PHF14: variants seen among roughly 807,000 people sequenced by gnomAD.
PHF14 encodes PHD finger protein 14.
A neutral mutation model predicts 117.9 loss-of-function variants in PHF14; 55 were observed. That is an observed-to-expected ratio of 0.47 (90% CI 0.38 to 0.58). The LOEUF (loss-of-function observed/expected upper bound fraction) is 0.58. Ranked by LOEUF, PHF14 falls within the 20% of genes least tolerant of loss-of-function variation. The pLI is 0.00. For synonymous variants in PHF14, 409 were observed against 368.6 expected, an observed-to-expected ratio of 1.11 and a Z score of -1.26; for missense variants, 978 against 1,122.2, an observed-to-expected ratio of 0.87 and a Z score of 1.84.
chr7:10,977,789 T>A (rs1781917626), intron 2 of PHF14, among the ~76,000 whole-genome samples: 1 of 152,158 alleles, frequency 6.6e-6, no homozygotes, highest in African/African-American at 2.4e-5. Flanking sequence ...TATATGGAAT[T>A]ACCAGTTTTG....
At chr7:11,034,024 G>A (rs1488396596) in intron 7 of PHF14, among the ~76,000 whole-genome samples, 1 of 152,162 alleles carries the variant, frequency 6.6e-6, no homozygotes, top group Non-Finnish European at 1.5e-5. Flanking sequence ...GTAAATGATA[G>A]AGCCAAGATT....
chr7:11,006,245 C>T (rs1214628543), intron 4 of PHF14, among the ~76,000 whole-genome samples: 1 of 152,174 alleles, frequency 6.6e-6, no homozygotes, highest in Non-Finnish European at 1.5e-5. Context: ...TTACAATGTG[C>T]ATTCACCTTA....
intron 17 of PHF14, among the ~76,000 whole-genome samples, chr7:11,141,504 G>T (rs930757224): frequency 6.6e-6 from 1 of 151,990 alleles, no homozygotes; most frequent in Non-Finnish European, 1.5e-5. Flanking sequence ...TGCTAGTTGG[G>T]TTTATTGTTT....
chr7:11,078,338 C>T (rs1031492387), intron 16 of PHF14, among the ~76,000 whole-genome samples: 1 of 152,080 alleles, frequency 6.6e-6, no homozygotes, highest in African/African-American at 2.4e-5. Context: ...ATGAACCTCA[C>T]TTGAAAATTC....
Position 11,037,082 on chromosome 7 carries a change from A to G in PHF14, c.1971A>G (p.Glu657=), listed in dbSNP as rs1562433074. ...LENEQEKLHV[E]YNKLCESLEE... ...ATGAACAAGAAAAGCTTCATGTAGA[A>G]TATAATAAGGTAAGTTAGCTACAAA... Residue 657 remains glutamate (E), a synonymous_variant, in exon 10 of 18, where the codon GAA becomes GAG. Coordinates refer to ENST00000634607, the MANE Select transcript of PHF14 (RefSeq NM_001007157.2). 2.7e-6 allele frequency: 4 copies of G among 1,493,360 alleles called. No homozygotes were observed. In the South Asian group the frequency reaches 5.0e-5, roughly 19 times the overall value. The allele number at this position is 1,493,360 out of a possible 1,614,324, so 92.5% of individuals were successfully genotyped here.
In PHF14 at chr7:10,982,742, C is replaced by G. The variant is rs1782085234; in HGVS notation, c.483C>G (p.Asn161Lys). 6.2e-7 allele frequency: 1 copy of G among 1,613,642 alleles called. No homozygotes were observed. Among genetic ancestry groups the G allele is most frequent in the Non-Finnish European group, 8.5e-7 (1 of 1,179,806 alleles). Residue 161 changes from asparagine (N) to lysine (K), a missense_variant, in exon 3 of 18, where the codon AAC becomes AAG. Transcript: ENST00000634607. The part of the protein sequence containing the change: ...TTPATSPPAV[N>K]TSPSVPTTTT... The stretch of plus-strand genomic sequence containing the variant: ...CAGCCACAAGTCCTCCTGCTGTTAA[C>G]ACATCCCCTTCTGTTCCCACTACGA...
chr7:11,000,625 C>T (rs1782831958), intron 4 of PHF14, among the ~76,000 whole-genome samples: 1 of 152,160 alleles, frequency 6.6e-6, no homozygotes, highest in African/African-American at 2.4e-5. Context: ...AGGCGTGAGC[C>T]ACCACACCCA....
At chr7:10,991,381 T>C (rs1345958133) in intron 4 of PHF14, among the ~76,000 whole-genome samples, 1 of 152,092 alleles carries the variant, frequency 6.6e-6, no homozygotes, top group African/African-American at 2.4e-5. Context: ...TTTCACCATA[T>C]TGGTCAGGCT....
In PHF14 at chr7:11,022,998, T is replaced by G; in HGVS notation, c.1317+19T>G. Reference sequence around the variant, plus strand: ...TGCCAAGGTGAGACACAAAGCATTTTTGATTGCTTGAAAGAGAAAGGTTTT... The same window carrying G: ...TGCCAAGGTGAGACACAAAGCATTTGTGATTGCTTGAAAGAGAAAGGTTTT... On this transcript the variant is annotated intron_variant, in intron 6 of 17. Coordinates refer to ENST00000634607, the MANE Select transcript of PHF14 (RefSeq NM_001007157.2). The G allele has an allele frequency of 7.3e-7, 1 of 1,373,720 alleles. No individual in the cohort carries two copies. The allele number at this position is 1,373,720 out of a possible 1,614,324, so 85.1% of individuals were successfully genotyped here. A position where few individuals can be genotyped will look rare whatever the true frequency, so the allele number is the denominator to read the frequency against.
chr7:11,136,752 A>G (rs879312479), intron 17 of PHF14, among the ~76,000 whole-genome samples: 10 of 152,218 alleles, frequency 6.6e-5, no homozygotes, highest in Non-Finnish European at 1.3e-4. Context: ...GATTAGATAT[A>G]TGAGACCAAG....
intron 17 of PHF14, among the ~76,000 whole-genome samples, chr7:11,167,873 C>CA (rs1789247472): frequency 6.6e-6 from 1 of 151,852 alleles, no homozygotes; most frequent in Non-Finnish European, 1.5e-5. Context: ...ACTAAAAATA[C>CA]AAAAAATTAG....
chr7:11,088,753 C>A (rs1786523658), intron 16 of PHF14, among the ~76,000 whole-genome samples: 1 of 151,922 alleles, frequency 6.6e-6, no homozygotes, highest in East Asian at 1.9e-4. Context: ...ATATAACTCC[C>A]CAAATTAAAA....
At chr7:11,118,819 G>GTAT (rs1787671353) in intron 17 of PHF14, among the ~76,000 whole-genome samples, 1 of 151,598 alleles carries the variant, frequency 6.6e-6, no homozygotes, top group Non-Finnish European at 1.5e-5. Context: ...TATATTAAAC[G>GTAT]TATATACTTC....
chr7:10,978,170 A>G (rs545176985), intron 2 of PHF14, among the ~76,000 whole-genome samples: 5 of 152,324 alleles, frequency 3.3e-5, no homozygotes, highest in Admixed American at 1.3e-4. Flanking sequence ...CTGACTTTGA[A>G]TAAGTGGACC....
intron 6 of PHF14, among the ~76,000 whole-genome samples, chr7:11,023,432 T>C: frequency 6.6e-6 from 1 of 152,220 alleles, no homozygotes; most frequent in East Asian, 1.9e-4. Context: ...ACTTAATTGA[T>C]ATATGTTATG....
chr7:11,042,661 T>C, intron 12 of PHF14, 22 bp from the exon 13 acceptor site: 2 of 1,523,026 alleles, frequency 1.3e-6, no homozygotes, highest in Non-Finnish European at 1.8e-6. Context: ...TTGAAATCTT[T>C]ACTTGCTGCC....
At chr7:11,115,281 A>C (rs1474576543) in intron 17 of PHF14, among the ~76,000 whole-genome samples, 2 of 152,050 alleles carry the variant, frequency 1.3e-5, no homozygotes, top group Non-Finnish European at 2.9e-5. Context: ...GGCCAGACTT[A>C]TCCCCTTTTT....
At position 10,974,251 on chromosome 7, in the gene PHF14, C is replaced by T. The variant is rs559462462; in HGVS notation, c.-73C>T. The T allele has an allele frequency of 2.9e-6, 4 of 1,378,938 alleles. No homozygotes were observed. The highest frequency in any genetic ancestry group is 2.9e-5 in the African/African-American group (2 of 69,870). 85.4% of individuals were successfully genotyped at this position (1,378,938 alleles called of 1,614,324 possible). ...GACTTGTCTTCGCGGCCCCAGTCCC[C>T]GACCTCGGCGCTGCCTGGGCTCCTG... On this transcript the variant is annotated 5_prime_UTR_variant, in exon 1 of 18. Transcript: ENST00000634607.
In PHF14 at chr7:11,164,679, AATTTCCC is replaced by A. The variant is rs200885729; in HGVS notation, c.2773-4732_2773-4726del. Among the ~76,000 whole-genome samples the A allele has an allele frequency of 9.6e-3, 1,465 of 152,280 alleles. 28 individuals carry two copies. The highest frequency in any genetic ancestry group is 0.034 in the African/African-American group (1,402 of 41,558). ...AGAAAATTTGCAAAAATAGTGTAGA[AATTTCCC>A]ATTTGCCTTTATCCAGCTTCCTGTA... On this transcript the variant is annotated intron_variant, in intron 17 of 17. Coordinates refer to ENST00000634607, the MANE Select transcript of PHF14 (RefSeq NM_001007157.2).
Sources: gnomAD v4.1 joint callset for allele counts (sites outside exome capture counted in the v4.1 genomes callset) on GRCh38, gnomAD v4.1.1 for gene constraint, MANE v1.5 for transcripts, NCBI Gene and HGNC (gene_info 2026-07-23, HGNC 2026-07-21) for gene names.